STK32B: variants seen among roughly 807,000 people sequenced by gnomAD.
STK32B encodes serine/threonine-protein kinase 32B.
Under a neutral mutation model 52.6 loss-of-function variants are expected in STK32B, and 43 were observed. That is an observed-to-expected ratio of 0.82 (90% CI 0.64 to 1.05). The LOEUF is 1.05. Ranked by LOEUF, STK32B falls within the 50% of genes least tolerant of loss-of-function variation. The pLI is 0.00. For synonymous variants in STK32B, 238 were observed against 204.3 expected, an observed-to-expected ratio of 1.17 and a Z score of -1.41; for missense variants, 621 against 534.6, an observed-to-expected ratio of 1.16 and a Z score of -1.59.
chr4:5,304,172 A>T (rs932260535), intron 3 of STK32B, among the ~76,000 whole-genome samples: 7 of 151,812 alleles, frequency 4.6e-5, no homozygotes, highest in Admixed American at 4.6e-4. Flanking sequence ...CTCTTTTTTG[A>T]TTCCATATGA....
chr4:5,115,926 A>G (rs1714689836), intron 1 of STK32B, among the ~76,000 whole-genome samples: 1 of 152,192 alleles, frequency 6.6e-6, no homozygotes. Flanking sequence ...TCTTAACTGT[A>G]AAATTGGGCA....
chr4:5,328,838 T>C (rs977206102), intron 3 of STK32B, among the ~76,000 whole-genome samples: 6 of 152,086 alleles, frequency 3.9e-5, no homozygotes, highest in African/African-American at 1.4e-4. Context: ...AGCGAGGCTG[T>C]ATTACTTACA....
At chr4:5,487,920 A>G (rs1719370857) in intron 11 of STK32B, among the ~76,000 whole-genome samples, 1 of 152,148 alleles carries the variant, frequency 6.6e-6, no homozygotes, top group African/African-American at 2.4e-5. Context: ...AAATTTATCT[A>G]GTTTCAATGT....
intron 1 of STK32B, among the ~76,000 whole-genome samples, chr4:5,111,323 T>C (rs1349282029): frequency 1.3e-5 from 2 of 152,160 alleles, no homozygotes; most frequent in African/African-American, 4.8e-5. Context: ...GTATGTTTAG[T>C]GCAACACTAT....
chr4:5,062,208 C>T (rs747511684), intron 1 of STK32B, among the ~76,000 whole-genome samples: 6 of 152,174 alleles, frequency 3.9e-5, no homozygotes, highest in African/African-American at 1.2e-4. Flanking sequence ...GAAGAAGCAG[C>T]CCACACTTGG....
At chr4:5,267,133 A>AG (rs1238827774) in intron 3 of STK32B, among the ~76,000 whole-genome samples, 1 of 288 alleles carries the variant, frequency 3.5e-3, no homozygotes, top group Non-Finnish European at 6.2e-3. Flanking sequence ...CATTGTTTGC[A>AG]AAGAGAAAAC....
chr4:5,196,126 A>G (rs946517535), intron 3 of STK32B, among the ~76,000 whole-genome samples: 10 of 152,112 alleles, frequency 6.6e-5, no homozygotes, highest in African/African-American at 2.4e-4. Flanking sequence ...TATGATCAAG[A>G]TGGAAATGCA....
chr4:5,438,079 G>A (rs3774835), intron 6 of STK32B: 76,717 of 984,800 alleles, frequency 0.078, 3,840 homozygotes, highest in East Asian at 0.39. Context: ...GGCATGACAA[G>A]GTTTGATGGG....
intron 1 of STK32B, among the ~76,000 whole-genome samples, chr4:5,110,043 C>G (rs994888534): frequency 1.3e-5 from 2 of 150,138 alleles, no homozygotes; most frequent in African/African-American, 2.4e-5. Flanking sequence ...TACATTTAAT[C>G]AAGGAGGTGA....
chr4:5,136,383 G>C (rs994660433), intron 1 of STK32B, among the ~76,000 whole-genome samples: 2 of 9,170 alleles, frequency 2.2e-4, no homozygotes, highest in Non-Finnish European at 8.1e-3. Flanking sequence ...GTAACCCTTT[G>C]CAGCTCTAAG....
intron 5 of STK32B, among the ~76,000 whole-genome samples, chr4:5,407,572 G>T (rs760801350): frequency 2.0e-5 from 3 of 152,088 alleles, no homozygotes; most frequent in Non-Finnish European, 4.4e-5. Context: ...GTCATGGTTG[G>T]TGAGGCCTCA....
intron 6 of STK32B, among the ~76,000 whole-genome samples, chr4:5,428,178 C>T (rs536602780): frequency 6.6e-6 from 1 of 152,088 alleles, no homozygotes; most frequent in South Asian, 2.1e-4. Flanking sequence ...GAGGCCGACG[C>T]GGGCGGATCA....
At chr4:5,408,059 C>A (rs1265676853) in intron 5 of STK32B, among the ~76,000 whole-genome samples, 8 of 152,138 alleles carry the variant, frequency 5.3e-5, no homozygotes, top group African/African-American at 1.9e-4. Flanking sequence ...GGGCCTTGAT[C>A]TTGGACTTCC....
At chr4:5,412,026 A>G (rs1399633967) in intron 5 of STK32B, among the ~76,000 whole-genome samples, 1 of 152,212 alleles carries the variant, frequency 6.6e-6, no homozygotes, top group Non-Finnish European at 1.5e-5. Context: ...CAAGAAGTCA[A>G]GAGGGAAGAA....
At chr4:5,449,991 G>A (rs1183793939) in intron 7 of STK32B, among the ~76,000 whole-genome samples, 1 of 152,052 alleles carries the variant, frequency 6.6e-6, no homozygotes, top group Non-Finnish European at 1.5e-5. Flanking sequence ...AATGCACTTG[G>A]ATCACCCTGA....
intron 4 of STK32B, among the ~76,000 whole-genome samples, chr4:5,332,889 T>G (rs1375773111): frequency 6.6e-6 from 1 of 152,128 alleles, no homozygotes; most frequent in Non-Finnish European, 1.5e-5. Context: ...TTAATCCAGT[T>G]TATCATTGTT....
At chr4:5,461,712 G>A (rs1278495339) in intron 9 of STK32B, among the ~76,000 whole-genome samples, 6 of 152,182 alleles carry the variant, frequency 3.9e-5, no homozygotes, top group Non-Finnish European at 4.4e-5. Flanking sequence ...CTCGCAGGCA[G>A]GGCTCCAGAC....
At chr4:5,312,924 C>G (rs1028310172) in intron 3 of STK32B, among the ~76,000 whole-genome samples, 1 of 151,988 alleles carries the variant, frequency 6.6e-6, no homozygotes, top group Non-Finnish European at 1.5e-5. Context: ...AAAAGTGTTC[C>G]TATTTCTCCA....
At chr4:5,300,296 C>T (rs1397087861) in intron 3 of STK32B, among the ~76,000 whole-genome samples, 1 of 152,138 alleles carries the variant, frequency 6.6e-6, no homozygotes, top group Non-Finnish European at 1.5e-5. Flanking sequence ...ATAATAGGAG[C>T]AGTCTATGAC....
Sources: gnomAD v4.1 joint callset for allele counts (sites outside exome capture counted in the v4.1 genomes callset) on GRCh38, gnomAD v4.1.1 for gene constraint, MANE v1.5 for transcripts, NCBI Gene and HGNC (gene_info 2026-07-23, HGNC 2026-07-21) for gene names.